The following SEC24D variants were observed in gnomAD, a reference collection of about 807,000 sequenced individuals.
SEC24D encodes protein transport protein Sec24D.
A neutral mutation model predicts 116.9 loss-of-function variants in SEC24D; 69 were observed. That is an observed-to-expected ratio of 0.59 (90% confidence interval 0.49 to 0.72). The LOEUF (loss-of-function observed/expected upper bound fraction) is 0.72, where lower values mean the gene tolerates loss of function less well. SEC24D is among the 30% of genes least tolerant of loss of function. The pLI is 0.00. For missense variants in SEC24D, 1,131 were observed against 1,264.1 expected (o/e 0.89, Z 1.60); for synonymous variants, 405 against 442.8 (o/e 0.91, Z 1.07).
chr4:118,730,717 A>G (rs1725638653), intron 21 of SEC24D: 1 of 152,402 alleles, frequency 6.6e-6, no homozygotes, highest in Non-Finnish European at 1.5e-5. Context: ...ATTTGTATTA[A>G]TTTAACATCA....
chr4:118,801,234 C>G (rs1183162537), intron 7 of SEC24D, among the ~76,000 whole-genome samples: 1 of 151,270 alleles, frequency 6.6e-6, no homozygotes, highest in African/African-American at 2.4e-5. Context: ...TGTACTCCAG[C>G]CTGGGCGACA....
intron 8 of SEC24D, among the ~76,000 whole-genome samples, chr4:118,796,654 C>G (rs1283567210): frequency 6.6e-6 from 1 of 152,176 alleles, no homozygotes; most frequent in Non-Finnish European, 1.5e-5. Context: ...GACATAAAGC[C>G]CCACTCACCA....
chr4:118,801,387 C>A (rs572782356), intron 7 of SEC24D, among the ~76,000 whole-genome samples: 1 of 152,108 alleles, frequency 6.6e-6, no homozygotes, highest in East Asian at 1.9e-4. Flanking sequence ...GACAGGTAAA[C>A]TGGTCCATTG....
chr4:118,825,605 C>T (rs1258285975), intron 2 of SEC24D: 2 of 456,164 alleles, frequency 4.4e-6, no homozygotes, highest in Admixed American at 2.3e-5. Flanking sequence ...TCTTTAAGGA[C>T]CTCAGTTTTC....
intron 7 of SEC24D, among the ~76,000 whole-genome samples, chr4:118,799,800 G>A (rs1428271895): frequency 6.6e-6 from 1 of 152,208 alleles, no homozygotes; most frequent in Non-Finnish European, 1.5e-5. Context: ...TGCTCAGAGT[G>A]AGTTTAAGAG....
intron 1 of SEC24D, among the ~76,000 whole-genome samples, chr4:118,834,268 CTTATT>C (rs1318127588): frequency 6.6e-6 from 1 of 152,150 alleles, no homozygotes; most frequent in African/African-American, 2.4e-5. Flanking sequence ...TGATAATGGG[CTTATT>C]TTATGAGTCA....
At chr4:118,753,636 G>A (rs763692773) in intron 11 of SEC24D, among the ~76,000 whole-genome samples, 13 of 151,732 alleles carry the variant, frequency 8.6e-5, no homozygotes, top group Non-Finnish European at 1.3e-4. Context: ...GAATGTTCTC[G>A]TTCCAGTCTA....
At chr4:118,740,611 AT>A (rs1726179953) in intron 17 of SEC24D, 51 bp downstream of exon 17, 1 of 1,595,290 alleles carries the variant, frequency 6.3e-7, no homozygotes, top group East Asian at 2.2e-5. Flanking sequence ...CCCACTGATC[AT>A]TGTCGGCAAC....
At chr4:118,816,088 A>ATTTT (rs34404398) in intron 4 of SEC24D, among the ~76,000 whole-genome samples, 38 of 101,308 alleles carry the variant, frequency 3.8e-4, no homozygotes, top group Non-Finnish European at 5.0e-4. Flanking sequence ...CGCCAAGTTC[A>ATTTT]TTTTTTTTTT....
intron 8 of SEC24D, among the ~76,000 whole-genome samples, chr4:118,787,688 G>A (rs1331143887): frequency 8.5e-5 from 13 of 152,250 alleles, no homozygotes; most frequent in South Asian, 4.2e-4. Flanking sequence ...GCACGTGGCC[G>A]TGGTCCCTAT....
At chr4:118,757,679 G>A (rs753168705) in intron 11 of SEC24D, 42 bp downstream of exon 11, 41 of 1,568,192 alleles carry the variant, frequency 2.6e-5, no homozygotes, top group Non-Finnish European at 3.3e-5. Context: ...AATTAATTAG[G>A]CAATAATGTA....
chr4:118,790,581 A>G (rs946322780), intron 8 of SEC24D, among the ~76,000 whole-genome samples: 1 of 152,126 alleles, frequency 6.6e-6, no homozygotes, highest in Non-Finnish European at 1.5e-5. Flanking sequence ...TTTCACTTAA[A>G]AGACATAAAA....
intron 21 of SEC24D, 93 bp downstream of exon 21, chr4:118,731,223 T>G: frequency 9.9e-7 from 1 of 1,012,414 alleles, no homozygotes; most frequent in Non-Finnish European, 1.5e-6. Context: ...CCTTATTATT[T>G]TTCTTTCTGT....
rs189552680 is a variant in SEC24D at position 118,737,621 on chromosome 4, A to C, written c.2496+640T>G. Among the ~76,000 whole-genome samples, 292 of 152,302 alleles carry C rather than the reference A, an allele frequency of 1.9e-3. 1 individual carries two copies. The highest frequency in any genetic ancestry group is 6.6e-3 in the African/African-American group (273 of 41,576). ...ACACAGCTATAAAAAATGCCATCTA[A>C]CTTTTATTGACATAGAGAAGAATGT... On this transcript the variant is annotated intron_variant, in intron 19 of 22. Transcript: ENST00000280551.
chr4:118,747,272 T>C (rs1368715655), intron 13 of SEC24D, among the ~76,000 whole-genome samples: 1 of 151,158 alleles, frequency 6.6e-6, no homozygotes, highest in Non-Finnish European at 1.5e-5. Flanking sequence ...GCTTTTTTTT[T>C]TTTTTTTTTT....
chr4:118,812,711 T>G (rs1462840965), intron 6 of SEC24D, among the ~76,000 whole-genome samples: 1 of 152,084 alleles, frequency 6.6e-6, no homozygotes, highest in Non-Finnish European at 1.5e-5. Context: ...AACCTTGCAC[T>G]CATTCTCCAA....
intron 7 of SEC24D, among the ~76,000 whole-genome samples, chr4:118,800,594 G>C (rs1270026929): frequency 6.6e-6 from 1 of 152,168 alleles, no homozygotes; most frequent in East Asian, 1.9e-4. Context: ...TCCAGTCCTT[G>C]AGCTGCTCTG....
chr4:118,728,152 A>AG (rs1164084649), intron 22 of SEC24D, among the ~76,000 whole-genome samples: 1 of 152,238 alleles, frequency 6.6e-6, no homozygotes, highest in African/African-American at 2.4e-5. Flanking sequence ...AGGGCTTGGA[A>AG]GGACAAGAAT....
intron 6 of SEC24D, among the ~76,000 whole-genome samples, 189 bp from the exon 7 acceptor site, chr4:118,806,143 C>G (rs1284866935): frequency 6.6e-6 from 1 of 152,076 alleles, no homozygotes; most frequent in Non-Finnish European, 1.5e-5. Context: ...CTGTTCATTT[C>G]AGATCAAATT....
Sources: gnomAD v4.1 joint callset for allele counts (sites outside exome capture counted in the v4.1 genomes callset) on GRCh38, gnomAD v4.1.1 for gene constraint, MANE v1.5 for transcripts, NCBI Gene and HGNC (gene_info 2026-07-23, HGNC 2026-07-21) for gene names.